Variants in PCDH9 observed in about 807,000 individuals in gnomAD.
The protein encoded by PCDH9 is protocadherin-9.
Under a neutral mutation model 70.6 loss-of-function variants are expected in PCDH9, and 24 were observed. The observed-to-expected ratio is 0.34, with a 90% CI of 0.25 to 0.48. The LOEUF is 0.48. Ranked by LOEUF, PCDH9 falls within the 20% of genes least tolerant of loss-of-function variation. PCDH9 has a pLI of 0.99. For synonymous variants in PCDH9, 562 were observed against 558.5 expected (o/e 1.01, Z -0.09); for missense variants, 1,281 against 1,503.6 (o/e 0.85, Z 2.45).
intron 2 of PCDH9, among the ~76,000 whole-genome samples, chr13:67,190,411 T>C (rs1284744720): frequency 6.6e-6 from 1 of 152,018 alleles, no homozygotes; most frequent in Admixed American, 6.6e-5. Context: ...GCTAGACTTC[T>C]TTATGGTAAT....
Position 66,822,012 on chromosome 13 carries a change from C to T in PCDH9, c.3138+81492G>A, listed in dbSNP as rs567085333. 1.7e-4 allele frequency among the ~76,000 whole-genome samples: 26 copies of T among 152,118 alleles called. 1 individual carries two copies. In the South Asian group the frequency reaches 5.4e-3, roughly 32 times the overall value. On this transcript the variant is annotated intron_variant, in intron 3 of 4. Transcript: ENST00000377865. Reference sequence around the variant, plus strand: ...GTTTCTTTTATTATTGAATTTGATGCCTCAACCTATATCAGGATTTTTAAC... The same window carrying T: ...GTTTCTTTTATTATTGAATTTGATGTCTCAACCTATATCAGGATTTTTAAC...
chr13:66,351,243 T>C lies in PCDH9; in HGVS notation c.3341-46215A>G, dbSNP rs1302789008. ...GATGAGCCCAGCCTGGCTAGGTGTA[T>C]CTTGGGCAAGTTCATTTAAAGAGTA... On this transcript the variant is annotated intron_variant, in intron 4 of 4. Transcript: ENST00000377865. Among the ~76,000 whole-genome samples the C allele has an allele frequency of 3.3e-5, 5 of 152,106 alleles. No homozygotes were observed. The East Asian group carries it at 9.7e-4, about 29-fold the overall frequency.
At chr13:66,629,644 G>T (rs1204220810) in intron 4 of PCDH9, among the ~76,000 whole-genome samples, 1 of 152,158 alleles carries the variant, frequency 6.6e-6, no homozygotes, top group Non-Finnish European at 1.5e-5. Flanking sequence ...ATCAAAAGAT[G>T]CACTTATGTT....
At chr13:67,072,982 G>A (rs1031984341) in intron 2 of PCDH9, among the ~76,000 whole-genome samples, 1 of 152,116 alleles carries the variant, frequency 6.6e-6, no homozygotes, top group East Asian at 1.9e-4. Context: ...ACCACATGCA[G>A]GAATGAATTG....
At chr13:66,882,389 G>T (rs1245353431) in intron 3 of PCDH9, among the ~76,000 whole-genome samples, 1 of 151,996 alleles carries the variant, frequency 6.6e-6, no homozygotes, top group Non-Finnish European at 1.5e-5. Context: ...CCACAGTTTT[G>T]CTCCTGCTTT....
Position 67,010,782 on chromosome 13 carries a change from G to T in PCDH9, c.3037-107177C>A, listed in dbSNP as rs372928698. 2.0e-5 allele frequency among the ~76,000 whole-genome samples: 3 copies of T among 152,008 alleles called. No individual in the cohort carries two copies. The South Asian group carries it at 6.2e-4, about 32-fold the overall frequency. ...TTTACTATTAATAATTTAAAGAAAA[G>T]TAATTCAAATTCAGATTAGCCACCA... On this transcript the variant is annotated intron_variant, in intron 2 of 4. Transcript: ENST00000377865.
chr13:66,614,107 G>A (rs1052779989), intron 4 of PCDH9, among the ~76,000 whole-genome samples: 1 of 152,152 alleles, frequency 6.6e-6, no homozygotes, highest in African/African-American at 2.4e-5. Flanking sequence ...AAAATTGCTA[G>A]GAGTTAATTT....
chr13:66,934,744 G>A (rs1477564103), intron 2 of PCDH9, among the ~76,000 whole-genome samples: 1 of 97,006 alleles, frequency 1.0e-5, no homozygotes. Flanking sequence ...TTTTTGAGAC[G>A]GAGTCTCGCT....
intron 4 of PCDH9, among the ~76,000 whole-genome samples, chr13:66,505,275 G>A (rs770477978): frequency 6.6e-6 from 1 of 152,170 alleles, no homozygotes; most frequent in Non-Finnish European, 1.5e-5. Context: ...AGGTTTAAGT[G>A]ACTCACAGTT....
At chr13:66,793,449 T>C (rs1395662356) in intron 3 of PCDH9, among the ~76,000 whole-genome samples, 1 of 152,158 alleles carries the variant, frequency 6.6e-6, no homozygotes, top group East Asian at 1.9e-4. Flanking sequence ...GCCCAAGGTA[T>C]AAATTAATCC....
intron 4 of PCDH9, among the ~76,000 whole-genome samples, chr13:66,363,798 C>A (rs893993140): frequency 6.6e-6 from 1 of 150,676 alleles, no homozygotes; most frequent in Non-Finnish European, 1.5e-5. Context: ...TGTGTAGATA[C>A]TACATGAACA....
intron 4 of PCDH9, among the ~76,000 whole-genome samples, chr13:66,317,652 G>C (rs550834147): frequency 1.4e-4 from 21 of 152,104 alleles, no homozygotes; most frequent in African/African-American, 4.8e-4. Context: ...TAATTATTCT[G>C]AGACAGAGCT....
chr13:66,737,601 G>C (rs1460698520), intron 3 of PCDH9, among the ~76,000 whole-genome samples: 2 of 152,192 alleles, frequency 1.3e-5, no homozygotes, highest in East Asian at 3.9e-4. Flanking sequence ...CATCTCACTA[G>C]GGAGTGCCAG....
intron 4 of PCDH9, among the ~76,000 whole-genome samples, chr13:66,335,101 G>T (rs570942163): frequency 1.6e-4 from 25 of 152,182 alleles, no homozygotes; most frequent in Middle Eastern, 3.4e-3. Flanking sequence ...TCACATCACA[G>T]TAGCCTAAGT....
At chr13:66,513,875 G>A (rs560860822) in intron 4 of PCDH9, among the ~76,000 whole-genome samples, 81 of 151,928 alleles carry the variant, frequency 5.3e-4, no homozygotes, top group African/African-American at 1.9e-3. Flanking sequence ...GACATGTGTG[G>A]TTAATTCAAT....
intron 2 of PCDH9, among the ~76,000 whole-genome samples, chr13:67,121,032 T>A (rs1335814653): frequency 6.6e-6 from 1 of 152,144 alleles, no homozygotes; most frequent in East Asian, 1.9e-4. Context: ...AACGTCCTAC[T>A]GTATGCTAGG....
intron 2 of PCDH9, chr13:66,915,114 T>C (rs780670628): frequency 1.3e-5 from 2 of 151,676 alleles, no homozygotes; most frequent in African/African-American, 2.4e-5. Flanking sequence ...AAACAATATA[T>C]AGAGAACATT....
chr13:66,439,769 C>T (rs937961087), intron 4 of PCDH9, among the ~76,000 whole-genome samples: 10 of 152,234 alleles, frequency 6.6e-5, no homozygotes, highest in Admixed American at 4.6e-4. Context: ...GTTGTACATA[C>T]ATCCTTTTTA....
intron 3 of PCDH9, among the ~76,000 whole-genome samples, chr13:66,848,157 AC>A: frequency 6.6e-6 from 1 of 152,186 alleles, no homozygotes; most frequent in South Asian, 2.1e-4. Context: ...TATTGCTTTT[AC>A]TTAAAAGAAT....
Sources: allele counts gnomAD v4.1 joint callset (sites outside exome capture counted in the v4.1 genomes callset), GRCh38; gene constraint gnomAD v4.1.1; transcripts MANE v1.5; gene names NCBI Gene and HGNC (gene_info 2026-07-23, HGNC 2026-07-21).